SEMA5B: variants seen among roughly 807,000 people sequenced by gnomAD.
The protein encoded by SEMA5B is semaphorin-5B.
SEMA5B carries 66 observed loss-of-function variants against 135.0 expected under a neutral mutation model. The ratio of observed to expected loss-of-function variants is 0.49; its 90% CI spans 0.40 to 0.60. The LOEUF is 0.60. Among genes scored for constraint, SEMA5B ranks in the 20% least tolerant of loss-of-function variants. SEMA5B has a pLI of 0.00. For missense variants in SEMA5B, 1,501 were observed against 1,566.3 expected, an observed-to-expected ratio of 0.96 and a Z score of 0.70; for synonymous variants, 690 against 639.5, an observed-to-expected ratio of 1.08 and a Z score of -1.19.
At chr3:123,006,042 C>T (rs1440374470) in intron 1 of SEMA5B, among the ~76,000 whole-genome samples, 1 of 152,238 alleles carries the variant, frequency 6.6e-6, no homozygotes, top group African/African-American at 2.4e-5. Flanking sequence ...CTTGTCTCCC[C>T]AGTTCTCACG....
At position 122,912,305 on chromosome 3, in the gene SEMA5B, T is replaced by C. The variant is rs1937772185; in HGVS notation, c.2763A>G (p.Pro921=). 6.2e-7 allele frequency: 1 copy of C among 1,610,608 alleles called. No individual in the cohort carries two copies. The highest frequency in any genetic ancestry group is 1.3e-5 in the African/African-American group (1 of 74,776). ...GAWSCWTSWS[P]CSASCGGGHY... is the part of the protein sequence containing the mutation. ...GACCCCCACCACAGGAAGCTGAGCA[T>C]GGAGACCATGAGGTCCAGCAGGACC... The change falls in exon 19 of 23, where the codon CCA becomes CCG. Residue 921 remains proline (P), a synonymous_variant. Transcript: ENST00000357599.
At chr3:122,974,830 C>T (rs1331708841) in intron 1 of SEMA5B, among the ~76,000 whole-genome samples, 1 of 152,172 alleles carries the variant, frequency 6.6e-6, no homozygotes, top group African/African-American at 2.4e-5. Context: ...CCCTTAAGTT[C>T]CATATTCATA....
chr3:122,936,828 A>T (rs975485331), intron 5 of SEMA5B, among the ~76,000 whole-genome samples: 1 of 151,914 alleles, frequency 6.6e-6, no homozygotes, highest in Non-Finnish European at 1.5e-5. Context: ...TCCTAGCTGC[A>T]CCTCTTCCCT....
intron 1 of SEMA5B, among the ~76,000 whole-genome samples, chr3:122,965,904 A>AG (rs1289378124): frequency 2.0e-5 from 3 of 152,194 alleles, no homozygotes; most frequent in Non-Finnish European, 2.9e-5. Flanking sequence ...GGGAGCTCTG[A>AG]GGGAGTCCTC....
chr3:122,965,091 T>G (rs1401822361), intron 1 of SEMA5B, among the ~76,000 whole-genome samples: 2 of 152,166 alleles, frequency 1.3e-5, no homozygotes, highest in African/African-American at 4.8e-5. Flanking sequence ...TTCTCAAGGT[T>G]CATCTAAGGA....
At chr3:122,987,767 G>A (rs139597149) in intron 1 of SEMA5B, among the ~76,000 whole-genome samples, 1,559 of 152,292 alleles carry the variant, frequency 0.01, 19 homozygotes, top group Non-Finnish European at 0.015. Flanking sequence ...AATTAATGGG[G>A]ATGTAAACTA....
chr3:122,922,875 G>GCCAACCA (rs148673680), intron 10 of SEMA5B, among the ~76,000 whole-genome samples: 97,715 of 151,956 alleles, frequency 0.64, 32,776 homozygotes, highest in Non-Finnish European at 0.75. Flanking sequence ...AAAGCTGGAA[G>GCCAACCA]CCTTCTGAGC....
At chr3:122,959,263 G>T (rs910398772) in intron 2 of SEMA5B, among the ~76,000 whole-genome samples, 1 of 152,184 alleles carries the variant, frequency 6.6e-6, no homozygotes, top group Non-Finnish European at 1.5e-5. Flanking sequence ...CCATTTCGTG[G>T]ATGGGAAAAC....
Position 122,911,499 on chromosome 3 carries a change from T to C in SEMA5B, c.3083A>G (p.Asp1028Gly), listed in dbSNP as rs2303983. 0.78 allele frequency: 1,261,056 copies of C among 1,607,440 alleles called. 505,592 individuals are homozygous for C. Among genetic ancestry groups the C allele is most frequent in the Non-Finnish European group, 0.83 (982,242 of 1,177,762 alleles). Residue 1028 changes from aspartate to glycine, a missense_variant, in exon 21 of 23, where the codon GAC becomes GGC. By Grantham distance (94) the Asp-to-Gly change is moderately conservative. Coordinates refer to ENST00000357599, the MANE Select transcript of SEMA5B (RefSeq NM_001031702.4). ...LPASSMEEAT[D>G]CAGFNLIHLV... The stretch of plus-strand genomic sequence containing the variant: ...GGTCCGGTTTCTTTTACCTGCACAG[T>C]CGGTGGCCTCCTCCATGCTGGAGGC...
Position 122,910,142 on chromosome 3 carries a change from A to G in SEMA5B, c.*1T>C, listed in dbSNP as rs1233155157. 6.2e-7 allele frequency: 1 copy of G among 1,613,902 alleles called. No homozygotes were observed. Among genetic ancestry groups the G allele is most frequent in the East Asian group, 2.2e-5 (1 of 44,882 alleles). On this transcript the variant is annotated 3_prime_UTR_variant, in exon 23 of 23. Coordinates refer to ENST00000357599, the MANE Select transcript of SEMA5B (RefSeq NM_001031702.4). ...AAGCCCAAGTCCCCAGGACGGCGGTATCAGCTGTTGGGGAAGCACCGTTGT... is the reference window on the plus strand; with the variant it reads ...AAGCCCAAGTCCCCAGGACGGCGGTGTCAGCTGTTGGGGAAGCACCGTTGT...
At chr3:122,961,893 G>A (rs1940597795) in intron 1 of SEMA5B, among the ~76,000 whole-genome samples, 1 of 152,116 alleles carries the variant, frequency 6.6e-6, no homozygotes, top group South Asian at 2.1e-4. Flanking sequence ...GGCTCTGGGG[G>A]AGAATCCACT....
At chr3:122,935,520 T>C (rs1044914089) in intron 5 of SEMA5B, among the ~76,000 whole-genome samples, 5 of 151,996 alleles carry the variant, frequency 3.3e-5, no homozygotes, top group Non-Finnish European at 5.9e-5. Context: ...CCCTTTAATT[T>C]AGAGAATGTC....
intron 5 of SEMA5B, among the ~76,000 whole-genome samples, chr3:122,936,774 T>G (rs1328659875): frequency 1.3e-5 from 2 of 152,156 alleles, no homozygotes; most frequent in African/African-American, 4.8e-5. Flanking sequence ...CTGATTTGAT[T>G]TCCCCCACTC....
At position 122,911,329 on chromosome 3, in the gene SEMA5B, T is replaced by G. The variant is rs1366070121; in HGVS notation, c.3091+162A>C. The G allele has an allele frequency of 2.6e-6, 4 of 1,525,792 alleles. No individual in the cohort carries two copies. The Admixed American group carries it at 7.9e-5, about 30-fold the overall frequency. The allele number at this position is 1,525,792 out of a possible 1,614,324, so 94.5% of individuals were successfully genotyped here. ...GATGGCCTCCTAGCTGGGGGGGGCA[T>G]GGAGGGAACTGCCCAGACCACCCTA... On this transcript the variant is annotated intron_variant, in intron 21 of 22. Coordinates refer to ENST00000357599, the MANE Select transcript of SEMA5B (RefSeq NM_001031702.4).
chr3:122,913,372 G>T lies in SEMA5B; in HGVS notation c.2333C>A (p.Pro778His), dbSNP rs1375189417. 2 of 1,582,824 alleles carry T rather than the reference G, an allele frequency of 1.3e-6. No individual in the cohort carries two copies. Among genetic ancestry groups the T allele is most frequent in the Non-Finnish European group, 1.7e-6 (2 of 1,170,602 alleles). Residue 778 changes from proline to histidine, a missense_variant, in exon 17 of 23, where the codon CCC becomes CAC. Coordinates refer to ENST00000357599, the MANE Select transcript of SEMA5B (RefSeq NM_001031702.4). ...GTTCACGGGCAGCCACGGCGTCCAG[G>T]GGGTGTTGCGCCGCACTTCGGGGCA... ...EGCPEVRRNTPWTPWLPVNVT... is the reference protein window; with the variant it reads ...EGCPEVRRNTHWTPWLPVNVT...
chr3:123,021,695 G>A (rs1019203565), intron 1 of SEMA5B, among the ~76,000 whole-genome samples: 1 of 152,234 alleles, frequency 6.6e-6, no homozygotes, highest in African/African-American at 2.4e-5. Flanking sequence ...GCCTCCCAGG[G>A]CGGGCTTACA....
intron 4 of SEMA5B, among the ~76,000 whole-genome samples, chr3:122,940,793 C>T (rs1278899755): frequency 2.0e-5 from 3 of 152,210 alleles, no homozygotes; most frequent in Admixed American, 6.5e-5. Context: ...CCTCTGCTGT[C>T]CTTCTCCAAC....
intron 1 of SEMA5B, among the ~76,000 whole-genome samples, chr3:123,019,313 G>T (rs1222540520): frequency 1.3e-5 from 2 of 152,166 alleles, no homozygotes; most frequent in Non-Finnish European, 2.9e-5. Flanking sequence ...AATAATATGT[G>T]GGCCGGGCAC....
chr3:122,913,353 G>C lies in SEMA5B; in HGVS notation c.2352C>G (p.Pro784=), dbSNP rs139416658. ...GTGCCCCGCCCTGCGTCACGTTCAC[G>C]GGCAGCCACGGCGTCCAGGGGGTGT... is the stretch of plus-strand genomic sequence containing the variant. ...RRNTPWTPWL[P]VNVTQGGARQ... Residue 784 remains proline (P), a synonymous_variant, in exon 17 of 23, where the codon CCC becomes CCG. Transcript: ENST00000357599. The C allele has an allele frequency of 2.5e-6, 4 of 1,581,326 alleles. No homozygotes were observed. The highest frequency in any genetic ancestry group is 1.3e-5 in the African/African-American group (1 of 74,560).
Sources: gnomAD v4.1 joint callset for allele counts (sites outside exome capture counted in the v4.1 genomes callset) on GRCh38, gnomAD v4.1.1 for gene constraint, MANE v1.5 for transcripts, NCBI Gene and HGNC (gene_info 2026-07-23, HGNC 2026-07-21) for gene names.